Variants in VWA3A observed in about 807,000 individuals in gnomAD.
VWA3A encodes von Willebrand factor A domain-containing protein 3A.
In VWA3A, 134 loss-of-function variants were observed where a neutral mutation model predicts 160.4. That is an observed-to-expected ratio of 0.84 (90% CI 0.73 to 0.96). The LOEUF is 0.96. Ranked by LOEUF, VWA3A falls within the 40% of genes least tolerant of loss-of-function variation. The pLI, the probability that VWA3A is intolerant of heterozygous loss-of-function variation, is 0.00. For synonymous variants in VWA3A, 476 were observed against 543.4 expected (o/e 0.88, Z 1.72); for missense variants, 1,310 against 1,447.9 (o/e 0.90, Z 1.55).
Position 22,140,156 on chromosome 16 carries a change from C to G in VWA3A, c.2295C>G (p.Ser765Arg), listed in dbSNP as rs1322272766. Residue 765 changes from serine (S) to arginine (R), a missense_variant and splice_region_variant, in exon 23 of 34, where the codon AGC becomes AGG. Physicochemically the swap from Ser to Arg is moderately radical, Grantham distance 110. Transcript: ENST00000389398. ...GGGAAAGATTGCCTGTTTTCTAGAG[C>G]ATTAAAGATGACCCTGACAGAGAGA... ...RPTVPLGARM[S>R]IKDDPDREKS... 6.8e-6 allele frequency: 11 copies of G among 1,613,014 alleles called. No individual in the cohort carries two copies. Among genetic ancestry groups the G allele is most frequent in the Non-Finnish European group, 9.3e-6 (11 of 1,179,472 alleles).
chr16:22,130,747 A>G (rs2045932530), intron 17 of VWA3A, among the ~76,000 whole-genome samples: 1 of 152,114 alleles, frequency 6.6e-6, no homozygotes, highest in South Asian at 2.1e-4. Context: ...AGGTTGACAG[A>G]CATGTGCCAC....
Position 22,138,526 on chromosome 16 carries a change from C to T in VWA3A, c.2292+14C>T. The T allele has an allele frequency of 6.2e-7, 1 of 1,613,326 alleles. No individual in the cohort carries two copies. The highest frequency in any genetic ancestry group is 8.5e-7 in the Non-Finnish European group (1 of 1,179,704). On this transcript the variant is annotated intron_variant, in intron 22 of 33. Coordinates refer to ENST00000389398, the MANE Select transcript of VWA3A (RefSeq NM_173615.5). ...GGGGCCAGAATGGTTTGACTCCCCTCCTAATAACACGCAGAAGATTTGGTT... is the reference window on the plus strand; with the variant it reads ...GGGGCCAGAATGGTTTGACTCCCCTTCTAATAACACGCAGAAGATTTGGTT...
intron 16 of VWA3A, among the ~76,000 whole-genome samples, chr16:22,124,815 C>T (rs774124105): frequency 6.6e-6 from 1 of 152,104 alleles, no homozygotes; most frequent in Non-Finnish European, 1.5e-5. Context: ...TAAGGCCACA[C>T]AGCTGGTAGG....
At position 22,118,853 on chromosome 16, in the gene VWA3A, G is replaced by T. The variant is rs202038241; in HGVS notation, c.991-49G>T. On this transcript the variant is annotated intron_variant, in intron 11 of 33. Transcript: ENST00000389398. ...CTTGCCCCTTCCTGGGTTGACCCCT[G>T]CAGGTAGTCAAGTGATTCCGGATGT... 3.7e-6 allele frequency: 6 copies of T among 1,609,750 alleles called. No homozygotes were observed. The African/African-American group carries it at 4.0e-5, about 11-fold the overall frequency.
chr16:22,104,816 C>T (rs569986106), intron 6 of VWA3A, among the ~76,000 whole-genome samples: 3 of 152,146 alleles, frequency 2.0e-5, no homozygotes, highest in Non-Finnish European at 2.9e-5. Flanking sequence ...ACTTTTCTGG[C>T]TTCCCGTTTG....
intron 27 of VWA3A, chr16:22,147,469 A>G (rs1331113755): frequency 1.2e-5 from 8 of 665,854 alleles, no homozygotes; most frequent in Non-Finnish European, 2.2e-5. Flanking sequence ...TGGGGCCTGG[A>G]GGGTTTCTGG....
At chr16:22,134,538 T>C (rs1250035460) in intron 21 of VWA3A, 100 bp downstream of exon 21, 45 of 1,008,896 alleles carry the variant, frequency 4.5e-5, no homozygotes, top group Non-Finnish European at 6.2e-5. Context: ...ATAACAACCA[T>C]TGATTCTCTC....
Position 22,142,753 on chromosome 16 carries a change from C to T in VWA3A, c.2580C>T (p.Cys860=). ...SIDLPRKDTV[C]SSQEWVAKYG... ...ACTTACCCAGAAAGGATACAGTTTGCTCAAGCCAAGAGGTATTAAGTCACC... is the reference window on the plus strand; with the variant it reads ...ACTTACCCAGAAAGGATACAGTTTGTTCAAGCCAAGAGGTATTAAGTCACC... The change falls in exon 25 of 34, where the codon TGC becomes TGT. Residue 860 remains cysteine, a synonymous_variant. Transcript: ENST00000389398. 6.4e-7 allele frequency: 1 copy of T among 1,568,782 alleles called. No individual in the cohort carries two copies. The highest frequency in any genetic ancestry group is 8.7e-7 in the Non-Finnish European group (1 of 1,156,006).
chr16:22,146,556 G>C (rs556552462), intron 27 of VWA3A, among the ~76,000 whole-genome samples: 2 of 152,236 alleles, frequency 1.3e-5, no homozygotes, highest in Admixed American at 1.3e-4. Context: ...GGAGGCCAAG[G>C]TGGGTGGATC....
intron 1 of VWA3A, among the ~76,000 whole-genome samples, chr16:22,094,706 C>T (rs376607921): frequency 2.6e-5 from 4 of 152,122 alleles, no homozygotes; most frequent in South Asian, 4.1e-4. Context: ...GGCTCAACAC[C>T]TGTAATCCCA....
At chr16:22,125,658 T>C (rs2045834738) in intron 16 of VWA3A, among the ~76,000 whole-genome samples, 2 of 151,878 alleles carry the variant, frequency 1.3e-5, no homozygotes, top group South Asian at 4.1e-4. Context: ...CTCCTGACCT[T>C]GTGATCCGCC....
chr16:22,093,174 T>A (rs1901396788), intron 1 of VWA3A, among the ~76,000 whole-genome samples: 1 of 152,130 alleles, frequency 6.6e-6, no homozygotes, highest in Non-Finnish European at 1.5e-5. Flanking sequence ...TATGCAAAAA[T>A]GTCCTAGCTG....
rs183945900 is a variant in VWA3A at position 22,131,445 on chromosome 16, C to A, written c.1728-140C>A. 9.6e-4 allele frequency: 1,403 copies of A among 1,455,284 alleles called. 3 individuals carry two copies. The highest frequency in any genetic ancestry group is 1.2e-3 in the Non-Finnish European group (1,270 of 1,075,182). 90.1% of individuals were successfully genotyped at this position (1,455,284 alleles called of 1,614,324 possible). ...GCTTCCTTCTGTCTGCTGCTCTCCC[C>A]ACCTGGCCATCTTCACTTTATGAGA... On this transcript the variant is annotated intron_variant, in intron 18 of 33. Transcript: ENST00000389398.
intron 21 of VWA3A, among the ~76,000 whole-genome samples, chr16:22,135,937 C>T (rs1343290891): frequency 2.0e-5 from 3 of 151,956 alleles, no homozygotes; most frequent in Non-Finnish European, 4.4e-5. Context: ...CTACAGGCAC[C>T]CGCCACCACG....
chr16:22,145,475 C>T (rs563085861), intron 26 of VWA3A, among the ~76,000 whole-genome samples: 36 of 152,206 alleles, frequency 2.4e-4, no homozygotes, highest in African/African-American at 8.4e-4. Context: ...CCCGTCTCTA[C>T]TGTAAATACA....
rs374423811 is a variant in VWA3A, at chr16:22,115,918, GAAGGA to G, written c.815+463_815+467del. ...GGAAGGAAGGAAGGAAGGAAGGAAGGAAGGAAAGGAAAGGAAAGGAAGGGAGGAGG... is the reference window on the plus strand; with the variant it reads ...GGAAGGAAGGAAGGAAGGAAGGAAGGAAGGAAAGGAAAGGAAGGGAGGAGG... On this transcript the variant is annotated intron_variant, in intron 9 of 33. Transcript: ENST00000389398. 7.6e-3 allele frequency among the ~76,000 whole-genome samples: 237 copies of G among 31,350 alleles called. 8 individuals carry two copies. The highest frequency in any genetic ancestry group is 0.012 in the African/African-American group (19 of 1,570). 20.6% of individuals were successfully genotyped at this position (31,350 alleles called of 152,430 possible).
At chr16:22,146,768 C>CAA (rs756209623) in intron 27 of VWA3A, among the ~76,000 whole-genome samples, 1 of 132,974 alleles carries the variant, frequency 7.5e-6, no homozygotes, top group Non-Finnish European at 1.6e-5. Context: ...AAACTCTATC[C>CAA]AAAAAAAAAA....
At chr16:22,141,930 T>C (rs928588867) in intron 24 of VWA3A, among the ~76,000 whole-genome samples, 15 of 152,212 alleles carry the variant, frequency 9.9e-5, no homozygotes, top group Non-Finnish European at 2.2e-4. Context: ...CCTGAGATTC[T>C]TGGGCACTCC....
At chr16:22,125,188 A>G (rs1163279250) in intron 16 of VWA3A, among the ~76,000 whole-genome samples, 1 of 150,136 alleles carries the variant, frequency 6.7e-6, no homozygotes, top group Admixed American at 6.7e-5. Context: ...AACCAGCCTG[A>G]GCAACATGGG....
Sources: gnomAD v4.1 joint callset for allele counts (sites outside exome capture counted in the v4.1 genomes callset) on GRCh38, gnomAD v4.1.1 for gene constraint, MANE v1.5 for transcripts, NCBI Gene and HGNC (gene_info 2026-07-23, HGNC 2026-07-21) for gene names.